Variants in UBE2E3 observed in about 807,000 individuals in gnomAD.
UBE2E3 encodes ubiquitin-conjugating enzyme E2 E3.
A neutral mutation model predicts 23.6 loss-of-function variants in UBE2E3; 5 were observed. The ratio of observed to expected loss-of-function variants is 0.21; its 90% CI spans 0.11 to 0.44. UBE2E3 has a LOEUF of 0.44. Among genes scored for constraint, UBE2E3 ranks in the 20% least tolerant of loss-of-function variants. The pLI is 0.99. For missense variants in UBE2E3, 81 were observed against 249.8 expected (o/e 0.32, Z 4.55); for synonymous variants, 78 against 87.5 (o/e 0.89, Z 0.60).
chr2:181,016,944 A>G (rs543421476), intron 3 of UBE2E3, among the ~76,000 whole-genome samples: 1 of 152,218 alleles, frequency 6.6e-6, no homozygotes, highest in African/African-American at 2.4e-5. Flanking sequence ...TAGAAGCCAG[A>G]GCCTGGAAAT....
intron 3 of UBE2E3, among the ~76,000 whole-genome samples, chr2:181,012,523 AAGTCATTTAT>A (rs1284598234): frequency 6.6e-6 from 1 of 152,142 alleles, no homozygotes; most frequent in Non-Finnish European, 1.5e-5. Flanking sequence ...AATTGATTTT[AAGTCATTTAT>A]TTGACAACCA....
At position 181,004,248 on chromosome 2, in the gene UBE2E3, TGTA is replaced by T. The variant is rs530254232; in HGVS notation, c.245+20161_245+20163del. 1.6e-3 allele frequency among the ~76,000 whole-genome samples: 245 copies of T among 152,316 alleles called. 1 individual carries two copies. Among genetic ancestry groups the T allele is most frequent in the African/African-American group, 5.4e-3 (224 of 41,570 alleles). On this transcript the variant is annotated intron_variant, in intron 3 of 5. Coordinates refer to ENST00000410062, the MANE Select transcript of UBE2E3 (RefSeq NM_006357.4). Reference sequence around the variant, plus strand: ...TAGAGTTGAAACCAATGGTGCAGTGTGTAGTAGTTCTAGTTGTAAAACTTGATA... The same window carrying T: ...TAGAGTTGAAACCAATGGTGCAGTGTGTAGTTCTAGTTGTAAAACTTGATA...
At chr2:180,984,822 ATAAT>A (rs1003608703) in intron 3 of UBE2E3, among the ~76,000 whole-genome samples, 1 of 152,046 alleles carries the variant, frequency 6.6e-6, no homozygotes, top group African/African-American at 2.4e-5. Flanking sequence ...TTTTTCTCTA[ATAAT>A]TTTTTTCATT....
intron 3 of UBE2E3, among the ~76,000 whole-genome samples, chr2:181,005,266 C>T (rs1037822222): frequency 3.3e-5 from 5 of 152,218 alleles, no homozygotes; most frequent in African/African-American, 1.2e-4. Flanking sequence ...ACTGATAGTA[C>T]CTCCCAGCTG....
intron 3 of UBE2E3, among the ~76,000 whole-genome samples, chr2:181,026,953 T>A (rs541999720): frequency 2.1e-3 from 311 of 150,498 alleles, no homozygotes; most frequent in African/African-American, 7.4e-3. Flanking sequence ...CATTTATAAT[T>A]TTTTATGTAG....
At chr2:181,041,060 C>T (rs1206259502) in intron 3 of UBE2E3, among the ~76,000 whole-genome samples, 1 of 151,766 alleles carries the variant, frequency 6.6e-6, no homozygotes, top group Non-Finnish European at 1.5e-5. Context: ...CCATCCTGGC[C>T]AGCATGATGA....
intron 3 of UBE2E3, among the ~76,000 whole-genome samples, chr2:181,043,457 A>G (rs1372670499): frequency 6.6e-6 from 1 of 152,176 alleles, no homozygotes; most frequent in East Asian, 1.9e-4. Context: ...AGTGTATAAG[A>G]TGTACATGAA....
At chr2:181,059,749 T>TCTC (rs1412513837) in intron 4 of UBE2E3, among the ~76,000 whole-genome samples, 1 of 151,632 alleles carries the variant, frequency 6.6e-6, no homozygotes, top group African/African-American at 2.4e-5. Flanking sequence ...AGGGGCATAC[T>TCTC]CTCCTCCTCC....
At chr2:181,004,667 T>G (rs902913497) in intron 3 of UBE2E3, among the ~76,000 whole-genome samples, 2 of 152,180 alleles carry the variant, frequency 1.3e-5, no homozygotes, top group African/African-American at 4.8e-5. Context: ...AACTTTTGAT[T>G]TGGGACTAAA....
At chr2:181,039,320 A>G (rs1027115685) in intron 3 of UBE2E3, among the ~76,000 whole-genome samples, 2 of 152,248 alleles carry the variant, frequency 1.3e-5, no homozygotes, top group African/African-American at 4.8e-5. Context: ...AGCTGATTAA[A>G]AACATTTGAA....
chr2:181,031,303 T>C (rs1406255355), intron 3 of UBE2E3, among the ~76,000 whole-genome samples: 1 of 152,154 alleles, frequency 6.6e-6, no homozygotes, highest in Non-Finnish European at 1.5e-5. Context: ...TGTATCTTCA[T>C]TTTTTCCCTC....
intron 4 of UBE2E3, among the ~76,000 whole-genome samples, chr2:181,058,649 C>G (rs1687049763): frequency 6.6e-6 from 1 of 151,712 alleles, no homozygotes; most frequent in Admixed American, 6.6e-5. Context: ...TCTTTTCCAA[C>G]ATGGTGACTT....
intron 3 of UBE2E3, among the ~76,000 whole-genome samples, chr2:181,046,741 C>CA (rs1259819658): frequency 6.6e-6 from 1 of 152,052 alleles, no homozygotes; most frequent in Non-Finnish European, 1.5e-5. Context: ...TCTCTGTTGT[C>CA]AGAGTTCTCC....
chr2:181,017,596 C>A (rs934307732), intron 3 of UBE2E3, among the ~76,000 whole-genome samples: 10 of 151,184 alleles, frequency 6.6e-5, no homozygotes, highest in African/African-American at 2.4e-4. Flanking sequence ...GGAAATGTAG[C>A]TTTTTCTAGA....
At position 181,004,431 on chromosome 2, in the gene UBE2E3, G is replaced by A. The variant is rs558744930; in HGVS notation, c.245+20338G>A. Among the ~76,000 whole-genome samples, 18 of 152,148 alleles carry A rather than the reference G, an allele frequency of 1.2e-4. No homozygotes were observed. The East Asian group carries it at 2.9e-3, about 24-fold the overall frequency. ...GGGCAGATCACGAGGTCAAGAGATC[G>A]GGACCATCCTGGCCAGCATGGTGAA... is the stretch of plus-strand genomic sequence containing the variant. On this transcript the variant is annotated intron_variant, in intron 3 of 5. Transcript: ENST00000410062.
chr2:181,025,241 C>T (rs1685847535), intron 3 of UBE2E3, among the ~76,000 whole-genome samples: 1 of 151,966 alleles, frequency 6.6e-6, no homozygotes. Flanking sequence ...ATCATATCCA[C>T]TAGCCTACTC....
chr2:181,026,088 T>C (rs987181601), intron 3 of UBE2E3, among the ~76,000 whole-genome samples: 1 of 151,892 alleles, frequency 6.6e-6, no homozygotes, highest in Admixed American at 6.6e-5. Flanking sequence ...TGGGGAGGCT[T>C]TTGCGTAGAA....
intron 3 of UBE2E3, among the ~76,000 whole-genome samples, chr2:181,006,735 G>C (rs142058942): frequency 6.6e-6 from 1 of 151,730 alleles, no homozygotes; most frequent in East Asian, 1.9e-4. Flanking sequence ...ACCCTCTCTG[G>C]GTCCTTTCAT....
intron 3 of UBE2E3, among the ~76,000 whole-genome samples, chr2:181,056,867 A>C (rs1321160698): frequency 1.3e-5 from 2 of 151,778 alleles, no homozygotes; most frequent in Non-Finnish European, 2.9e-5. Context: ...GATGAAACTT[A>C]ACATCACCAA....
Sources: gnomAD v4.1 joint callset for allele counts (sites outside exome capture counted in the v4.1 genomes callset) on GRCh38, gnomAD v4.1.1 for gene constraint, MANE v1.5 for transcripts, NCBI Gene and HGNC (gene_info 2026-07-23, HGNC 2026-07-21) for gene names.